The following ARHGEF11 variants were observed in gnomAD, a reference collection of about 807,000 sequenced individuals.
ARHGEF11 encodes the protein Rho guanine nucleotide exchange factor 11.
A neutral mutation model predicts 193.7 loss-of-function variants in ARHGEF11; 55 were observed. That is an observed-to-expected ratio of 0.28 (90% CI 0.23 to 0.36). The LOEUF (loss-of-function observed/expected upper bound fraction) is 0.36, where lower values mean the gene tolerates loss of function less well. Among genes scored for constraint, ARHGEF11 ranks in the 10% least tolerant of loss-of-function variants. The probability of loss-of-function intolerance (pLI) is 1.00; values close to 1 mark genes in which losing one functional copy is unlikely to be tolerated. For missense variants in ARHGEF11, 1,723 were observed against 2,005.6 expected (o/e 0.86, Z 2.69); for synonymous variants, 693 against 768.0 (o/e 0.90, Z 1.62).
intron 1 of ARHGEF11, among the ~76,000 whole-genome samples, chr1:156,996,927 T>C (rs1017132882): frequency 2.7e-5 from 4 of 148,256 alleles, no homozygotes; most frequent in African/African-American, 5.0e-5. Context: ...AGTGGTATGA[T>C]AATAGTTCAC....
intron 22 of ARHGEF11, 107 bp downstream of exon 22, chr1:156,951,466 T>C: frequency 6.8e-7 from 1 of 1,475,638 alleles, no homozygotes; most frequent in Non-Finnish European, 9.2e-7. Context: ...AAGGGAGCCT[T>C]AGAAGCTAGT....
At chr1:156,944,140 C>A in intron 31 of ARHGEF11, 38 bp from the exon 32 acceptor site, 1 of 1,599,948 alleles carries the variant, frequency 6.3e-7, no homozygotes, top group South Asian at 1.1e-5. Context: ...TTCCCTGGTG[C>A]CTACTCATCC....
chr1:156,963,171 G>T (rs1024687342), intron 13 of ARHGEF11, 32 bp downstream of exon 13: 2 of 1,539,420 alleles, frequency 1.3e-6, no homozygotes, highest in African/African-American at 1.4e-5. Flanking sequence ...GTACCAGCAG[G>T]CACTCAATCA....
chr1:156,938,467 G>A lies in ARHGEF11; in HGVS notation c.4143C>T (p.Gly1381=), dbSNP rs1229660294. 2 of 1,613,706 alleles carry A rather than the reference G, an allele frequency of 1.2e-6. No individual in the cohort carries two copies. Among genetic ancestry groups the A allele is most frequent in the African/African-American group, 2.7e-5 (2 of 74,886 alleles). ...SKVVPALPES[G]QSEPGPPEVE... ...CTTCAGGTGGCCCAGGCTCTGACTGGCCACTCTCTGGTAGTGCAGGGACAA... is the reference window on the plus strand; with the variant it reads ...CTTCAGGTGGCCCAGGCTCTGACTGACCACTCTCTGGTAGTGCAGGGACAA... Residue 1381 remains glycine, a synonymous_variant, in exon 38 of 41, where the codon GGC becomes GGT. Coordinates refer to ENST00000368194, the MANE Select transcript of ARHGEF11 (RefSeq NM_198236.3).
At chr1:156,975,022 T>C (rs1663061561) in intron 7 of ARHGEF11, among the ~76,000 whole-genome samples, 1 of 152,228 alleles carries the variant, frequency 6.6e-6, no homozygotes, top group Admixed American at 6.5e-5. Flanking sequence ...CTCTTGGATA[T>C]ATACCTGGGA....
chr1:156,944,110 G>T lies in ARHGEF11; in HGVS notation c.3068-8C>A. 1 of 1,612,500 alleles carries T rather than the reference G, an allele frequency of 6.2e-7. No homozygotes were observed. Among genetic ancestry groups the T allele is most frequent in the Admixed American group, 1.7e-5 (1 of 59,876 alleles). ...GCAGCAGCACGTGGAGGTCTGGAGG[G>T]GTATGGTCATGGGAAGGTGTTCCCT... On this transcript the variant is annotated splice_region_variant and splice_polypyrimidine_tract_variant and intron_variant, in intron 31 of 40. Transcript: ENST00000368194.
At chr1:157,006,472 C>A (rs142795403) in intron 1 of ARHGEF11, among the ~76,000 whole-genome samples, 1 of 4,268 alleles carries the variant, frequency 2.3e-4, no homozygotes, top group East Asian at 6.3e-3. Context: ...GGATGTATTC[C>A]ACCAAAAGCA....
In ARHGEF11 at chr1:156,936,051, G is replaced by A. The variant is rs1427571494; in HGVS notation, c.4638C>T (p.Asp1546=). 5.0e-6 allele frequency: 8 copies of A among 1,614,020 alleles called. No homozygotes were observed. The highest frequency in any genetic ancestry group is 3.3e-5 in the South Asian group (3 of 91,068). The part of the protein sequence containing the change: ...ELGPCPEDGS[D]APLEDSTADA... ...CTGCTGTGCTGTCTTCCAGGGGGGC[G>A]TCAGAGCCTGTGGGAGGAGGATGAA... is the stretch of plus-strand genomic sequence containing the variant. Residue 1546 remains aspartate, a synonymous_variant, in exon 41 of 41, where the codon GAC becomes GAT. Coordinates refer to ENST00000368194, the MANE Select transcript of ARHGEF11 (RefSeq NM_198236.3).
intron 1 of ARHGEF11, among the ~76,000 whole-genome samples, chr1:156,987,379 T>C (rs925209069): frequency 6.6e-6 from 1 of 152,220 alleles, no homozygotes; most frequent in Non-Finnish European, 1.5e-5. Flanking sequence ...CTCCATGATA[T>C]GTTACTGAGT....
At chr1:156,950,559 G>A (rs1376376780) in intron 22 of ARHGEF11, among the ~76,000 whole-genome samples, 1 of 152,146 alleles carries the variant, frequency 6.6e-6, no homozygotes, top group Non-Finnish European at 1.5e-5. Flanking sequence ...AGGATCCCTT[G>A]AACCCAGGAG....
intron 1 of ARHGEF11, among the ~76,000 whole-genome samples, chr1:157,015,329 T>C (rs1392519245): frequency 6.6e-6 from 1 of 152,194 alleles, no homozygotes; most frequent in East Asian, 1.9e-4. Context: ...TCTGTCTCAT[T>C]ATACGCAGCT....
intron 1 of ARHGEF11, among the ~76,000 whole-genome samples, chr1:156,994,779 G>A (rs1404926855): frequency 2.6e-5 from 4 of 152,190 alleles, no homozygotes; most frequent in Admixed American, 6.5e-5. Flanking sequence ...TCTTGGCTAT[G>A]TAGTCTTAGG....
intron 1 of ARHGEF11, among the ~76,000 whole-genome samples, chr1:157,028,818 T>C (rs533970843): frequency 1.3e-5 from 2 of 152,208 alleles, no homozygotes; most frequent in East Asian, 3.9e-4. Context: ...CACCGTGAGA[T>C]ACCACTTCAC....
chr1:156,980,835 G>C (rs750884681), intron 3 of ARHGEF11, among the ~76,000 whole-genome samples: 1 of 51,444 alleles, frequency 1.9e-5, no homozygotes, highest in East Asian at 1.2e-3. Context: ...TTATATTCCG[G>C]GGGGGGGGGG....
At position 156,945,168 on chromosome 1, in the gene ARHGEF11, G is replaced by A. The variant is rs1309141293; in HGVS notation, c.2842C>T (p.Arg948Trp). 3 of 1,614,010 alleles carry A rather than the reference G, an allele frequency of 1.9e-6. No individual in the cohort carries two copies. Among genetic ancestry groups the A allele is most frequent in the South Asian group, 1.1e-5 (1 of 91,066 alleles). ...ATCTCCCGGCACTGGTCCCGGGCCC[G>A]GCACAGCTTCTCATGCTCAGAGGTG... ...GGTSEHEKLC[R>W]ARDQCREILK... The change falls in exon 30 of 41, where the codon CGG (arginine) becomes TGG (tryptophan). Residue 948 changes from arginine (R) to tryptophan (W), a missense_variant. Around this residue, in one of 5 missense-constraint regions of ARHGEF11, gnomAD observed 491 missense variants for 654.5 expected, o/e 0.75. Coordinates refer to ENST00000368194, the MANE Select transcript of ARHGEF11 (RefSeq NM_198236.3).
rs1025953215 is a variant in ARHGEF11, at chr1:157,044,767, C to G, written c.-437G>C. 5.8e-5 allele frequency: 22 copies of G among 377,546 alleles called. No individual in the cohort carries two copies. Among genetic ancestry groups the G allele is most frequent in the African/African-American group, 4.4e-4 (21 of 48,134 alleles). The allele number at this position is 377,546 out of a possible 1,614,324, so 23.4% of individuals were successfully genotyped here. Reference sequence around the variant, plus strand: ...AAATCCAGCTTTCTCAGCTGTCCTTCTGTTGGCAAGAGACCCTCTAGCTCA... The same window carrying G: ...AAATCCAGCTTTCTCAGCTGTCCTTGTGTTGGCAAGAGACCCTCTAGCTCA... On this transcript the variant is annotated 5_prime_UTR_variant, in exon 1 of 41. Transcript: ENST00000368194.
At chr1:157,007,913 G>GTTTTTTT (rs10580966) in intron 1 of ARHGEF11, among the ~76,000 whole-genome samples, 1 of 118,846 alleles carries the variant, frequency 8.4e-6, no homozygotes, top group African/African-American at 3.1e-5. Flanking sequence ...TTTTTTTTTT[G>GTTTTTTT]TTTTTTTTTT....
At position 156,935,908 on chromosome 1, in the gene ARHGEF11, G is replaced by C. The variant is rs1654953884; in HGVS notation, c.*92C>G. On this transcript the variant is annotated 3_prime_UTR_variant, in exon 41 of 41. Transcript: ENST00000368194. ...TCCCTAACTGCCTCCTCCACAGGGAGGAGTGTTGGGATCCCCCCTACCCTG... is the reference window on the plus strand; with the variant it reads ...TCCCTAACTGCCTCCTCCACAGGGACGAGTGTTGGGATCCCCCCTACCCTG... 7.2e-7 allele frequency: 1 copy of C among 1,390,434 alleles called. No homozygotes were observed. Among genetic ancestry groups the C allele is most frequent in the Non-Finnish European group, 9.8e-7 (1 of 1,017,712 alleles). 86.1% of individuals were successfully genotyped at this position (1,390,434 alleles called of 1,614,324 possible). A position where few individuals can be genotyped will look rare whatever the true frequency, so the allele number is the denominator to read the frequency against.
chr1:157,018,656 A>G (rs530544248), intron 1 of ARHGEF11, among the ~76,000 whole-genome samples: 1 of 152,252 alleles, frequency 6.6e-6, no homozygotes, highest in African/African-American at 2.4e-5. Context: ...AAAGAAAAAA[A>G]AAAAAAAGAA....
Sources: gnomAD v4.1 joint callset for allele counts (sites outside exome capture counted in the v4.1 genomes callset) on GRCh38, gnomAD v4.1.1 for gene constraint, gnomAD v4.1.1 regional missense constraint, MANE v1.5 for transcripts, NCBI Gene and HGNC (gene_info 2026-07-23, HGNC 2026-07-21) for gene names.